The following AIG1 variants were observed in gnomAD, a reference collection of about 807,000 sequenced individuals.
AIG1 encodes the protein androgen induced 1, also known as androgen-induced gene 1 protein.
Under a neutral mutation model 31.4 loss-of-function variants are expected in AIG1, and 23 were observed. The ratio of observed to expected loss-of-function variants is 0.73; its 90% CI spans 0.53 to 1.04. The LOEUF (loss-of-function observed/expected upper bound fraction) is 1.04, where lower values mean the gene tolerates loss of function less well. Among genes scored for constraint, AIG1 ranks in the 50% least tolerant of loss-of-function variants. The probability of loss-of-function intolerance (pLI) is 0.00; values close to 1 mark genes in which losing one functional copy is unlikely to be tolerated. For synonymous variants in AIG1, 100 were observed against 110.5 expected (o/e 0.90, Z 0.60); for missense variants, 274 against 295.0 (o/e 0.93, Z 0.52).
At position 143,340,936 on chromosome 6, in the gene AIG1, T is replaced by G. The variant is rs1583925355; in HGVS notation, c.*1260T>G. Among the ~76,000 whole-genome samples the G allele has an allele frequency of 6.6e-6, 1 of 152,248 alleles. No individual in the cohort carries two copies. The highest frequency in any genetic ancestry group is 2.1e-4 in the South Asian group (1 of 4,830). ...AAAACCATTCACTCCAAAATTATAA[T>G]TACATTTTAAAATTAAAAAATGAAA... is the stretch of plus-strand genomic sequence containing the variant. On this transcript the variant is annotated 3_prime_UTR_variant, in exon 6 of 6. Coordinates refer to ENST00000357847, the MANE Select transcript of AIG1 (RefSeq NM_016108.4).
intron 1 of AIG1, among the ~76,000 whole-genome samples, chr6:143,102,691 T>A (rs765182530): frequency 2.4e-4 from 36 of 151,616 alleles, no homozygotes; most frequent in Middle Eastern, 3.4e-3. Context: ...TTGATATTGT[T>A]TTTTCATCCC....
At chr6:143,060,808 C>CGCCCT (rs1300475895), upstream of AIG1, 8 of 132,434 alleles carry the variant, frequency 6.0e-5, 1 homozygote, top group Non-Finnish European at 9.6e-5. Flanking sequence ...GCCCCCGCCC[C>CGCCCT]GCCCCGCCCC....
Position 143,292,358 on chromosome 6 carries a change from G to A in AIG1, c.515+8133G>A, listed in dbSNP as rs1035072158. Among the ~76,000 whole-genome samples, 1 of 152,204 alleles carries A rather than the reference G, an allele frequency of 6.6e-6. No homozygotes were observed. The highest frequency in any genetic ancestry group is 1.5e-5 in the Non-Finnish European group (1 of 68,046). ...TCCCATGAATCCTTAAGAGTGGAGA[G>A]CCATTCACAACTGTGGTCAGAGAGA... is the stretch of plus-strand genomic sequence containing the variant. On this transcript the variant is annotated intron_variant, in intron 4 of 5. Coordinates refer to ENST00000357847, the MANE Select transcript of AIG1 (RefSeq NM_016108.4). The surrounding 1 kb of genome is among the most constrained non-coding windows in gnomAD (Gnocchi z 4.9).
At chr6:143,088,758 C>T (rs1779031760) in intron 1 of AIG1, among the ~76,000 whole-genome samples, 1 of 152,118 alleles carries the variant, frequency 6.6e-6, no homozygotes, top group Non-Finnish European at 1.5e-5. Flanking sequence ...CACAGATCTA[C>T]CAAAGTGAAT....
intron 1 of AIG1, among the ~76,000 whole-genome samples, chr6:143,086,913 C>G (rs1778840656): frequency 6.6e-6 from 1 of 152,208 alleles, no homozygotes; most frequent in Admixed American, 6.5e-5. Flanking sequence ...TTCAGGACGA[C>G]AGCTCTCTGC....
intron 1 of AIG1, among the ~76,000 whole-genome samples, chr6:143,067,158 C>T (rs752585928): frequency 1.2e-4 from 18 of 151,820 alleles, no homozygotes; most frequent in African/African-American, 1.7e-4. Flanking sequence ...AGAGCCAAAT[C>T]CTGTCTGTAA....
intron 3 of AIG1, among the ~76,000 whole-genome samples, chr6:143,262,630 C>T (rs1795869072): frequency 6.6e-6 from 1 of 151,822 alleles, no homozygotes; most frequent in Non-Finnish European, 1.5e-5. Context: ...AGGGATTTTA[C>T]GCAGGATCAG....
At chr6:143,102,456 A>C (rs1780374890) in intron 1 of AIG1, among the ~76,000 whole-genome samples, 1 of 144,620 alleles carries the variant, frequency 6.9e-6, no homozygotes, top group Non-Finnish European at 1.5e-5. Flanking sequence ...GCCTCTTAGG[A>C]TATATATATA....
intron 4 of AIG1, among the ~76,000 whole-genome samples, chr6:143,304,282 G>T (rs1401532676): frequency 5.3e-5 from 8 of 150,504 alleles, no homozygotes; most frequent in African/African-American, 1.7e-4. Flanking sequence ...AGTGGTGAGA[G>T]AGGGCATCCC....
At chr6:143,244,213 C>A (rs140654731) in intron 3 of AIG1, among the ~76,000 whole-genome samples, 1 of 152,074 alleles carries the variant, frequency 6.6e-6, no homozygotes, top group Non-Finnish European at 1.5e-5. Flanking sequence ...GAGTGTTTCC[C>A]GGAGGAAATG....
rs1285529823 is a variant in AIG1 at position 143,327,757 on chromosome 6, A to G, written c.516-5525A>G. On this transcript the variant is annotated intron_variant, in intron 4 of 5. Coordinates refer to ENST00000357847, the MANE Select transcript of AIG1 (RefSeq NM_016108.4). The surrounding 1 kb of genome is among the most constrained non-coding windows in gnomAD (Gnocchi z 5.3). The stretch of plus-strand genomic sequence containing the variant: ...GATGAAAGAGAGGGAAGTATCAAAG[A>G]TGACTTGCAATGTTTGAGTTACAAA... 1 of 163,420 alleles carries G rather than the reference A, an allele frequency of 6.1e-6. No homozygotes were observed. Among genetic ancestry groups the G allele is most frequent in the Non-Finnish European group, 1.3e-5 (1 of 75,990 alleles). 10.1% of individuals were successfully genotyped at this position (163,420 alleles called of 1,614,324 possible). A position where few individuals can be genotyped will look rare whatever the true frequency, so the allele number is the denominator to read the frequency against.
chr6:143,139,478 A>G (rs535867024), intron 2 of AIG1, among the ~76,000 whole-genome samples: 24 of 152,154 alleles, frequency 1.6e-4, no homozygotes, highest in Non-Finnish European at 2.6e-4. Context: ...CAAAGAATAG[A>G]TAAGGAATCA....
intron 1 of AIG1, among the ~76,000 whole-genome samples, chr6:143,100,599 A>T (rs1216842076): frequency 1.3e-5 from 2 of 152,230 alleles, no homozygotes; most frequent in African/African-American, 4.8e-5. Context: ...TTTAAAAAGC[A>T]AGCAATATAT....
Position 143,297,899 on chromosome 6 carries a change from T to C in AIG1, c.515+13674T>C, listed in dbSNP as rs935027594. ...TGCACAATGACGTATCCTTGGGCTGTGATATTCTCACGCAACAGTAGAAAA... is the reference window on the plus strand; with the variant it reads ...TGCACAATGACGTATCCTTGGGCTGCGATATTCTCACGCAACAGTAGAAAA... On this transcript the variant is annotated intron_variant, in intron 4 of 5. Transcript: ENST00000357847. This position sits in a 1 kb window ranked among gnomAD's most constrained non-coding sequence, Gnocchi z 5.1. Among the ~76,000 whole-genome samples the C allele has an allele frequency of 1.3e-5, 2 of 152,156 alleles. No homozygotes were observed. The highest frequency in any genetic ancestry group is 2.9e-5 in the Non-Finnish European group (2 of 68,036).
rs568095489 is a variant in AIG1, at chr6:143,296,841, G to T, written c.515+12616G>T. Among the ~76,000 whole-genome samples, 2 of 152,222 alleles carry T rather than the reference G, an allele frequency of 1.3e-5. 1 individual carries two copies. The highest frequency in any genetic ancestry group is 3.9e-4 in the East Asian group (2 of 5,184). The stretch of plus-strand genomic sequence containing the variant: ...ATTTTCAAAGTAAGAGAAGCAACTG[G>T]CTTATTGTTATTGTAATATTTTAAT... On this transcript the variant is annotated intron_variant, in intron 4 of 5. Transcript: ENST00000357847.
At chr6:143,094,151 T>C in intron 1 of AIG1, 1 of 152,138 alleles carries the variant, frequency 6.6e-6, no homozygotes. Flanking sequence ...TAAAATGAGG[T>C]GTGCCTCTAT....
In AIG1 at chr6:143,136,927, G is replaced by T; in HGVS notation, c.234G>T (p.Gln78His). ...GTGGGAACCAGGAGCAAGAGAGGCA[G>T]CTCAAGAAGCTCATCTCTCTCCGGG... Reference protein sequence around the residue: ...RGSGNQEQERQLKKLISLRDW... With the variant: ...RGSGNQEQERHLKKLISLRDW... The change falls in exon 2 of 6, where the codon CAG (glutamine) becomes CAT (histidine). Residue 78 changes from glutamine (Q) to histidine (H), a missense_variant. Coordinates refer to ENST00000357847, the MANE Select transcript of AIG1 (RefSeq NM_016108.4). The T allele has an allele frequency of 6.5e-7, 1 of 1,531,602 alleles. No individual in the cohort carries two copies. 94.9% of individuals were successfully genotyped at this position (1,531,602 alleles called of 1,614,324 possible).
intron 3 of AIG1, among the ~76,000 whole-genome samples, chr6:143,218,966 T>G (rs564759890): frequency 6.6e-6 from 1 of 152,338 alleles, no homozygotes; most frequent in African/African-American, 2.4e-5. Flanking sequence ...CTGAAACATC[T>G]TTTGGTTCTG....
At chr6:143,250,196 G>A (rs1282316118) in intron 3 of AIG1, among the ~76,000 whole-genome samples, 1 of 152,214 alleles carries the variant, frequency 6.6e-6, no homozygotes, top group Non-Finnish European at 1.5e-5. Context: ...GTGATCACTT[G>A]TGTCTTCTTT....
Sources: gnomAD v4.1 joint callset for allele counts (sites outside exome capture counted in the v4.1 genomes callset) on GRCh38, gnomAD v4.1.1 for gene constraint, Gnocchi (gnomAD v3.1) non-coding constraint, MANE v1.5 for transcripts, NCBI Gene and HGNC (gene_info 2026-07-23, HGNC 2026-07-21) for gene names.